Variants in RAD51B observed in about 807,000 individuals in gnomAD.
The protein encoded by RAD51B is RAD51 paralog B, also known as DNA repair protein RAD51 homolog 2.
In RAD51B, 38 loss-of-function variants were observed where a neutral mutation model predicts 42.2. That is an observed-to-expected ratio of 0.90 (90% confidence interval 0.70 to 1.18). RAD51B has a LOEUF of 1.18. Ranked by LOEUF, RAD51B falls within the 50% of genes most tolerant of loss-of-function variation. The pLI is 0.00. For missense variants in RAD51B, 373 were observed against 400.7 expected, an observed-to-expected ratio of 0.93 and a Z score of 0.59; for synonymous variants, 154 against 145.2, an observed-to-expected ratio of 1.06 and a Z score of -0.43.
intron 7 of RAD51B, among the ~76,000 whole-genome samples, chr14:68,089,065 A>G (rs756068614): frequency 3.3e-5 from 5 of 152,124 alleles, no homozygotes; most frequent in Non-Finnish European, 7.4e-5. Context: ...TTTAATATAA[A>G]GCCATCATTA....
chr14:68,421,655 C>T (rs879159599), intron 9 of RAD51B: 66 of 1,496,106 alleles, frequency 4.4e-5, no homozygotes, highest in African/African-American at 4.0e-4. Flanking sequence ...TCCTGAGCTA[C>T]GGAAGGAATG....
chr14:68,451,099 T>C (rs370862581), intron 9 of RAD51B, among the ~76,000 whole-genome samples: 3 of 152,328 alleles, frequency 2.0e-5, no homozygotes, highest in African/African-American at 4.8e-5. Context: ...TATAGAATGC[T>C]CAGCCTGATG....
chr14:68,587,656 G>A (rs1483333451), intron 10 of RAD51B, among the ~76,000 whole-genome samples: 1 of 151,710 alleles, frequency 6.6e-6, no homozygotes, highest in African/African-American at 2.4e-5. Flanking sequence ...TCCTACCCCA[G>A]TCCCGCAGAG....
chr14:67,994,424 T>G (rs201002734), intron 7 of RAD51B, among the ~76,000 whole-genome samples: 1 of 152,344 alleles, frequency 6.6e-6, no homozygotes, highest in East Asian at 1.9e-4. Flanking sequence ...AAGTTTTATC[T>G]TTAACTTATT....
chr14:68,269,878 G>A (rs2081071502), intron 7 of RAD51B, among the ~76,000 whole-genome samples: 1 of 152,122 alleles, frequency 6.6e-6, no homozygotes. Flanking sequence ...CCATGAAAAG[G>A]GCTGTTGTCC....
At chr14:68,286,206 G>C (rs1361446147) in intron 7 of RAD51B, among the ~76,000 whole-genome samples, 1 of 152,194 alleles carries the variant, frequency 6.6e-6, no homozygotes, top group Non-Finnish European at 1.5e-5. Context: ...AGAGCAGGCA[G>C]GGAAGCCTGC....
chr14:68,655,409 G>T (rs970774229), intron 11 of RAD51B, among the ~76,000 whole-genome samples: 2 of 152,132 alleles, frequency 1.3e-5, no homozygotes, highest in Admixed American at 6.5e-5. Context: ...CAAATAGACG[G>T]GGTGTGGGGG....
chr14:68,511,240 G>A (rs1414952336), intron 10 of RAD51B, among the ~76,000 whole-genome samples: 1 of 152,206 alleles, frequency 6.6e-6, no homozygotes, highest in Admixed American at 6.5e-5. Context: ...ATCCGGGCCA[G>A]CCTGGGCATT....
At chr14:68,100,514 A>C (rs2077270798) in intron 7 of RAD51B, among the ~76,000 whole-genome samples, 1 of 151,606 alleles carries the variant, frequency 6.6e-6, no homozygotes, top group Non-Finnish European at 1.5e-5. Flanking sequence ...AGATTGATGG[A>C]CTTTCATTAC....
At chr14:68,396,375 A>G (rs2083923616) in intron 8 of RAD51B, among the ~76,000 whole-genome samples, 1 of 152,210 alleles carries the variant, frequency 6.6e-6, no homozygotes, top group Admixed American at 6.5e-5. Flanking sequence ...AGTCTTTCAC[A>G]TTCACCTTCT....
At chr14:68,126,311 C>T (rs952621035) in intron 7 of RAD51B, among the ~76,000 whole-genome samples, 7 of 152,096 alleles carry the variant, frequency 4.6e-5, no homozygotes, top group Admixed American at 2.6e-4. Flanking sequence ...TGTGCATGCT[C>T]TTGTTCTGGG....
intron 7 of RAD51B, among the ~76,000 whole-genome samples, chr14:68,023,930 A>G (rs2051292202): frequency 6.6e-6 from 1 of 152,176 alleles, no homozygotes; most frequent in African/African-American, 2.4e-5. Flanking sequence ...CCAGGTTGAT[A>G]TCAAGAAAGT....
intron 8 of RAD51B, among the ~76,000 whole-genome samples, chr14:68,314,651 T>C (rs994009489): frequency 4.6e-5 from 7 of 152,116 alleles, no homozygotes; most frequent in African/African-American, 1.2e-4. Flanking sequence ...ATGGATCTTA[T>C]TTATTTATTT....
intron 8 of RAD51B, among the ~76,000 whole-genome samples, chr14:68,304,732 A>G (rs187730181): frequency 5.2e-4 from 79 of 152,348 alleles, no homozygotes; most frequent in African/African-American, 1.8e-3. Flanking sequence ...CCTGGACCTC[A>G]ATTCCCTCAG....
At chr14:68,596,553 T>G (rs1158059298), downstream of RAD51B, among the ~76,000 whole-genome samples, 2 of 152,246 alleles carry the variant, frequency 1.3e-5, no homozygotes, top group Admixed American at 6.5e-5. Flanking sequence ...AGCTTTTTTT[T>G]GTCTGGCTCA....
At chr14:68,560,469 C>A (rs757854367) in intron 10 of RAD51B, among the ~76,000 whole-genome samples, 3 of 152,168 alleles carry the variant, frequency 2.0e-5, no homozygotes, top group Non-Finnish European at 4.4e-5. Context: ...GGCGCGGTGG[C>A]TCACGCCTGT....
At chr14:68,172,701 C>T (rs961589140) in intron 7 of RAD51B, among the ~76,000 whole-genome samples, 4 of 152,140 alleles carry the variant, frequency 2.6e-5, no homozygotes, top group African/African-American at 9.7e-5. Context: ...TGACCCGAAC[C>T]ATGGTTCCTT....
intron 10 of RAD51B, among the ~76,000 whole-genome samples, chr14:68,476,500 G>T (rs773482718): frequency 6.6e-6 from 1 of 152,154 alleles, no homozygotes; most frequent in African/African-American, 2.4e-5. Context: ...AAATCATTTC[G>T]CCACTTAGTG....
intron 8 of RAD51B, among the ~76,000 whole-genome samples, chr14:68,379,005 A>G (rs1181490313): frequency 1.3e-5 from 2 of 152,190 alleles, no homozygotes; most frequent in Non-Finnish European, 2.9e-5. Flanking sequence ...TCTTCATCCA[A>G]TTACAGCAAC....
Sources: allele counts gnomAD v4.1 joint callset (sites outside exome capture counted in the v4.1 genomes callset), GRCh38; gene constraint gnomAD v4.1.1; transcripts MANE v1.5; gene names NCBI Gene and HGNC (gene_info 2026-07-23, HGNC 2026-07-21).